The following PRKN variants were observed in gnomAD, a reference collection of about 807,000 sequenced individuals.
The protein encoded by PRKN is E3 ubiquitin-protein ligase parkin.
A neutral mutation model predicts 59.5 loss-of-function variants in PRKN; 56 were observed. That is an observed-to-expected ratio of 0.94 (90% CI 0.76 to 1.18). The LOEUF is 1.18. Among genes scored for constraint, PRKN ranks in the 50% most tolerant of loss-of-function variants. The probability of loss-of-function intolerance (pLI) is 0.00; values close to 1 mark genes in which losing one functional copy is unlikely to be tolerated. For synonymous variants in PRKN, 250 were observed against 222.1 expected (o/e 1.13, Z -1.12); for missense variants, 657 against 596.4 (o/e 1.10, Z -1.06).
intron 7 of PRKN, among the ~76,000 whole-genome samples, chr6:161,766,001 T>C (rs1038264359): frequency 9.2e-5 from 14 of 152,304 alleles, no homozygotes; most frequent in Admixed American, 8.5e-4. Context: ...GGTCCTACTT[T>C]TCTACACCAT....
chr6:162,200,992 T>C (rs1583189489), intron 4 of PRKN, 139 bp downstream of exon 4: 1 of 960,482 alleles, frequency 1.0e-6, no homozygotes. Context: ...ACTTCGGCTA[T>C]CATTAACTAT....
In PRKN at chr6:162,039,219, T is replaced by A. The variant is rs192686104; in HGVS notation, c.618+14872A>T. On this transcript the variant is annotated intron_variant, in intron 5 of 11. Transcript: ENST00000366898. ...CACCATTCAATGCAAAGATATACTT[T>A]AAATATAGAAATAATTCTAGCCCTG... Among the ~76,000 whole-genome samples, 97 of 152,270 alleles carry A rather than the reference T, an allele frequency of 6.4e-4. 1 individual carries two copies. Among genetic ancestry groups the A allele is most frequent in the African/African-American group, 2.1e-3 (88 of 41,548 alleles).
intron 2 of PRKN, among the ~76,000 whole-genome samples, chr6:162,267,484 A>C (rs963266867): frequency 6.6e-6 from 1 of 152,198 alleles, no homozygotes. Flanking sequence ...AGAGTGCTCC[A>C]ATATGGTTTC....
At chr6:162,006,539 A>G (rs886391478) in intron 5 of PRKN, among the ~76,000 whole-genome samples, 17 of 152,184 alleles carry the variant, frequency 1.1e-4, no homozygotes, top group Non-Finnish European at 1.6e-4. Context: ...TACAAGACCA[A>G]CGTGAGTTGG....
chr6:162,148,918 G>A (rs1304576372), intron 4 of PRKN, among the ~76,000 whole-genome samples: 1 of 152,164 alleles, frequency 6.6e-6, no homozygotes, highest in Non-Finnish European at 1.5e-5. Context: ...ACAATTGCAG[G>A]TTCAAGTGTG....
intron 2 of PRKN, among the ~76,000 whole-genome samples, chr6:162,441,020 C>T (rs2128166690): frequency 6.6e-6 from 1 of 152,146 alleles, no homozygotes; most frequent in African/African-American, 2.4e-5. Context: ...TTGCCAACTT[C>T]TCGGCACCTA....
chr6:161,650,685 G>C (rs56403254), intron 7 of PRKN, among the ~76,000 whole-genome samples: 1 of 152,168 alleles, frequency 6.6e-6, no homozygotes, highest in Admixed American at 6.5e-5. Flanking sequence ...GAGGAATTTC[G>C]GCAAATCTCA....
rs1782565642 is a variant in PRKN at position 162,619,414 on chromosome 6, G to A, written c.7+108248C>T. ...GCCCGCCTCGGCCTCCCAAAGTGCT[G>A]GAAAACTATGCGTTTACTACTTTAG... On this transcript the variant is annotated intron_variant, in intron 1 of 11. Coordinates refer to ENST00000366898, the MANE Select transcript of PRKN (RefSeq NM_004562.3). 3.3e-5 allele frequency among the ~76,000 whole-genome samples: 5 copies of A among 151,902 alleles called. 2 individuals are homozygous for A. In the South Asian group the frequency reaches 1.0e-3, roughly 31 times the overall value.
At chr6:162,444,152 C>T (rs540376381) in intron 1 of PRKN, among the ~76,000 whole-genome samples, 4 of 152,256 alleles carry the variant, frequency 2.6e-5, no homozygotes, top group African/African-American at 9.6e-5. Flanking sequence ...CTTCTCACTG[C>T]ACCTGCTGTC....
At chr6:162,678,651 T>C (rs541696000) in intron 1 of PRKN, among the ~76,000 whole-genome samples, 80 of 152,346 alleles carry the variant, frequency 5.3e-4, no homozygotes, top group Non-Finnish European at 8.5e-4. Flanking sequence ...GTTGTTTTAG[T>C]ATTTATTGAG....
At chr6:161,865,772 A>T (rs79545584) in intron 6 of PRKN, among the ~76,000 whole-genome samples, 1 of 152,138 alleles carries the variant, frequency 6.6e-6, no homozygotes, top group African/African-American at 2.4e-5. Flanking sequence ...TCCAGACCAG[A>T]GTTTTTCCAT....
rs150574802 is a variant in PRKN, at chr6:161,900,204, ATTATC to A, written c.734+73093_734+73097del. Among the ~76,000 whole-genome samples, 657 of 151,706 alleles carry A rather than the reference ATTATC, an allele frequency of 4.3e-3. 2 individuals carry two copies. The highest frequency in any genetic ancestry group is 0.015 in the African/African-American group (619 of 41,464). On this transcript the variant is annotated intron_variant, in intron 6 of 11. Transcript: ENST00000366898. ...GAAGCAGAATAAATTTAAAGCTGAAATTATCGAGAAGGTCTTTCTGGAACTGATAG... is the reference window on the plus strand; with the variant it reads ...GAAGCAGAATAAATTTAAAGCTGAAAGAGAAGGTCTTTCTGGAACTGATAG...
intron 1 of PRKN, among the ~76,000 whole-genome samples, chr6:162,588,013 G>GTT (rs71004102): frequency 2.0e-4 from 27 of 136,636 alleles, no homozygotes; most frequent in East Asian, 1.3e-3. Flanking sequence ...GAGTTTTTGA[G>GTT]TTTTTTTTTT....
At position 161,588,276 on chromosome 6, in the gene PRKN, T is replaced by A. The variant is rs942586052; in HGVS notation, c.872-18860A>T. 6.6e-6 allele frequency among the ~76,000 whole-genome samples: 1 copy of A among 151,760 alleles called. No individual in the cohort carries two copies. The highest frequency in any genetic ancestry group is 1.5e-5 in the Non-Finnish European group (1 of 67,950). On this transcript the variant is annotated intron_variant, in intron 7 of 11. Transcript: ENST00000366898. This position sits in a 1 kb window ranked among gnomAD's most constrained non-coding sequence, Gnocchi z 5.0. ...GCTCATGCCTATAATCCCAGCTACC[T>A]GGGAGGCTGAGGCAGGAGAATTGCC...
chr6:162,238,438 C>T (rs527344268), intron 3 of PRKN, among the ~76,000 whole-genome samples: 3 of 152,270 alleles, frequency 2.0e-5, no homozygotes, highest in African/African-American at 7.2e-5. Flanking sequence ...CATTAAGTGA[C>T]ACGTGACTAT....
rs12208291 is a variant in PRKN at position 162,179,967 on chromosome 6, A to T, written c.534+21164T>A. 1.6e-3 allele frequency among the ~76,000 whole-genome samples: 90 copies of T among 57,584 alleles called. 1 individual carries two copies. Among genetic ancestry groups the T allele is most frequent in the Middle Eastern group, 0.024 (2 of 82 alleles). 37.8% of individuals were successfully genotyped at this position (57,584 alleles called of 152,430 possible). ...GGACAGTGCTTTTTGTTATCTTATTACTGTGTGTGTGTGTGTGTGTGTGTG... is the reference window on the plus strand; with the variant it reads ...GGACAGTGCTTTTTGTTATCTTATTTCTGTGTGTGTGTGTGTGTGTGTGTG... On this transcript the variant is annotated intron_variant, in intron 4 of 11. Transcript: ENST00000366898.
Position 161,549,108 on chromosome 6 carries a change from A to G in PRKN, c.934-105T>C, listed in dbSNP as rs1398160017. Reference sequence around the variant, plus strand: ...GATTTCTTGCTTAACCAGTTTCAGTAAAATAATGCATGTGTGTGTGTGTGT... The same window carrying G: ...GATTTCTTGCTTAACCAGTTTCAGTGAAATAATGCATGTGTGTGTGTGTGT... On this transcript the variant is annotated intron_variant, in intron 8 of 11. Transcript: ENST00000366898. The surrounding 1 kb of genome is among the most constrained non-coding windows in gnomAD (Gnocchi z 6.0). The G allele has an allele frequency of 7.9e-7, 1 of 1,262,522 alleles. No individual in the cohort carries two copies. Among genetic ancestry groups the G allele is most frequent in the African/African-American group, 1.5e-5 (1 of 64,960 alleles). The allele number at this position is 1,262,522 out of a possible 1,614,324, so 78.2% of individuals were successfully genotyped here. A position where few individuals can be genotyped will look rare whatever the true frequency, so the allele number is the denominator to read the frequency against.
chr6:161,810,421 A>C (rs1242484720), intron 6 of PRKN, among the ~76,000 whole-genome samples: 2 of 152,226 alleles, frequency 1.3e-5, no homozygotes, highest in East Asian at 3.9e-4. Flanking sequence ...AAACTCTTGA[A>C]TGGATTATGA....
At chr6:162,099,780 G>A (rs1458722044) in intron 4 of PRKN, among the ~76,000 whole-genome samples, 4 of 152,132 alleles carry the variant, frequency 2.6e-5, no homozygotes, top group Admixed American at 6.5e-5. Context: ...TGACAACACC[G>A]AATATCTAGT....
Sources: allele counts gnomAD v4.1 joint callset (sites outside exome capture counted in the v4.1 genomes callset), GRCh38; gene constraint gnomAD v4.1.1; non-coding constraint Gnocchi (gnomAD v3.1); transcripts MANE v1.5; gene names NCBI Gene and HGNC (gene_info 2026-07-23, HGNC 2026-07-21).